Variants in FXYD1 observed in about 807,000 individuals in gnomAD.
FXYD1 encodes the protein phospholemman.
Under a neutral mutation model 17.2 loss-of-function variants are expected in FXYD1, and 9 were observed. The ratio of observed to expected loss-of-function variants is 0.52; its 90% CI spans 0.32 to 0.91. FXYD1 has a LOEUF of 0.91. FXYD1 is among the 40% of genes least tolerant of loss of function. FXYD1 has a pLI of 0.04. For synonymous variants in FXYD1, 55 were observed against 45.8 expected (o/e 1.20, Z -0.81); for missense variants, 113 against 120.6 (o/e 0.94, Z 0.29).
At chr19:35,141,415 C>A in intron 4 of FXYD1, 121 bp from the exon 5 acceptor site, 1 of 833,508 alleles carries the variant, frequency 1.2e-6, no homozygotes, top group Non-Finnish European at 2.0e-6. Context: ...CCCCCGGTCT[C>A]GCCTCTAGCC....
In FXYD1 at chr19:35,142,746, C is replaced by T. The variant is rs1135396; in HGVS notation, c.*4C>T. 3.1e-6 allele frequency: 5 copies of T among 1,613,416 alleles called. 1 individual carries two copies. The South Asian group carries it at 5.5e-5, about 18-fold the overall frequency. On this transcript the variant is annotated 3_prime_UTR_variant, in exon 7 of 8. Coordinates refer to ENST00000351325, the MANE Select transcript of FXYD1 (RefSeq NM_021902.4). Reference sequence around the variant, plus strand: ...TCTGTCCACCCGCAGGCGGTAGAAACACCTGGAGCGATGGAATCCGGCCAG... The same window carrying T: ...TCTGTCCACCCGCAGGCGGTAGAAATACCTGGAGCGATGGAATCCGGCCAG...
upstream of FXYD1, chr19:35,137,894 G>A (rs1392197523): frequency 2.0e-5 from 3 of 152,382 alleles, no homozygotes; most frequent in South Asian, 2.1e-4. Context: ...GCCTCCCAAA[G>A]TGCTGGGAGT....
At position 35,140,581 on chromosome 19, in the gene FXYD1, TTC is replaced by T. The variant is rs753756888; in HGVS notation, c.62-8_62-7del. 3.7e-4 allele frequency: 600 copies of T among 1,612,792 alleles called. No individual in the cohort carries two copies. Among genetic ancestry groups the T allele is most frequent in the Non-Finnish European group, 4.5e-4 (529 of 1,179,320 alleles). On this transcript the variant is annotated splice_polypyrimidine_tract_variant and intron_variant, in intron 2 of 7. Transcript: ENST00000351325. ...CCCCAGGAAGCATTCAACCCCTGAT[TTC>T]TCTCTCTTTCCAGAAAGTCCAAAGG...
chr19:35,141,370 G>T, intron 4 of FXYD1, 164 bp downstream of exon 4: 1 of 332,762 alleles, frequency 3.0e-6, no homozygotes, highest in African/African-American at 3.4e-5. Flanking sequence ...ACCCCTCCCA[G>T]GCCTTGCCCC....
At position 35,140,636 on chromosome 19, in the gene FXYD1, G is replaced by C. The variant is rs1219168734; in HGVS notation, c.94+7G>C. 1 of 1,611,912 alleles carries C rather than the reference G, an allele frequency of 6.2e-7. No homozygotes were observed. Among genetic ancestry groups the C allele is most frequent in the South Asian group, 1.1e-5 (1 of 90,972 alleles). On this transcript the variant is annotated splice_region_variant and intron_variant, in intron 3 of 7. Coordinates refer to ENST00000351325, the MANE Select transcript of FXYD1 (RefSeq NM_021902.4). ...CACGACCCGTTCACTTACGGTGAGC[G>C]GGGGGTCTAATTTTGAGTCCTGGGG... is the stretch of plus-strand genomic sequence containing the variant.
rs77100923 is a variant in FXYD1 at position 35,140,490 on chromosome 19, C to T, written c.62-107C>T. 59 of 1,005,014 alleles carry T rather than the reference C, an allele frequency of 5.9e-5. 1 individual carries two copies. The South Asian group carries it at 7.6e-4, about 13-fold the overall frequency. The allele number at this position is 1,005,014 out of a possible 1,614,324, so 62.3% of individuals were successfully genotyped here. On this transcript the variant is annotated intron_variant, in intron 2 of 7. Coordinates refer to ENST00000351325, the MANE Select transcript of FXYD1 (RefSeq NM_021902.4). ...AGAGTGTGGGCAGCCTGCCCAGACACCCTCAGACTCTAAGCCCAGCAAGGC... is the reference window on the plus strand; with the variant it reads ...AGAGTGTGGGCAGCCTGCCCAGACATCCTCAGACTCTAAGCCCAGCAAGGC...
intron 3 of FXYD1, chr19:35,140,844 C>T: frequency 1.7e-6 from 1 of 597,226 alleles, no homozygotes; most frequent in Non-Finnish European, 3.0e-6. Context: ...GGTTCTCTTT[C>T]TCTTGCCTGC....
chr19:35,139,778 G>C (rs2065233593), intron 1 of FXYD1: 1 of 362,358 alleles, frequency 2.8e-6, no homozygotes, highest in Admixed American at 3.9e-5. Flanking sequence ...GTAGGTCTGG[G>C]AATCGGGGGC....
chr19:35,141,079 T>G, intron 3 of FXYD1, 53 bp from the exon 4 acceptor site: 1 of 1,112,828 alleles, frequency 9.0e-7, no homozygotes, highest in Non-Finnish European at 1.4e-6. Context: ...ACCCCTCTCC[T>G]ATTCTCCCTC....
intron 4 of FXYD1, 160 bp from the exon 5 acceptor site, chr19:35,141,376 G>A: frequency 1.9e-6 from 1 of 525,248 alleles, no homozygotes; most frequent in South Asian, 1.7e-5. Flanking sequence ...CCCAGGCCTT[G>A]CCCCGCCTAC....
At chr19:35,140,481 GC>G (rs2065241393) in intron 2 of FXYD1, 115 bp from the exon 3 acceptor site, 1 of 933,930 alleles carries the variant, frequency 1.1e-6, no homozygotes, top group Non-Finnish European at 1.7e-6. Flanking sequence ...TGGGCAGCCT[GC>G]CCAGACACCC....
Position 35,142,830 on chromosome 19 carries a change from G to A in FXYD1, c.*29+59G>A, listed in dbSNP as rs962637716. ...GGAGGGAGGAAGGAAAGGCGGGAGA[G>A]GGAGGGGGCCAAGTGCCAGAGTTGA... On this transcript the variant is annotated intron_variant, in intron 7 of 7. Coordinates refer to ENST00000351325, the MANE Select transcript of FXYD1 (RefSeq NM_021902.4). The A allele has an allele frequency of 2.5e-5, 34 of 1,342,642 alleles. No homozygotes were observed. In the East Asian group the frequency reaches 6.8e-4, roughly 27 times the overall value. 83.2% of individuals were successfully genotyped at this position (1,342,642 alleles called of 1,614,324 possible).
At chr19:35,140,929 C>A (rs1353697754) in intron 3 of FXYD1, 5 of 340,876 alleles carry the variant, frequency 1.5e-5, no homozygotes, top group Admixed American at 4.3e-5. Context: ...TCCTCCCTGT[C>A]CCCTCCCTCC....
Position 35,142,529 on chromosome 19 carries a change from T to C in FXYD1, c.256+8T>C, listed in dbSNP as rs758125236. The stretch of plus-strand genomic sequence containing the variant: ...TCCGCAGCTCCATCCGCCGTGAGTC[T>C]GGGGAGACTGCGGGTATTCTGGGGA... On this transcript the variant is annotated splice_region_variant and intron_variant, in intron 6 of 7. Coordinates refer to ENST00000351325, the MANE Select transcript of FXYD1 (RefSeq NM_021902.4). The C allele has an allele frequency of 1.2e-6, 2 of 1,612,510 alleles. No homozygotes were observed. Among genetic ancestry groups the C allele is most frequent in the Non-Finnish European group, 8.5e-7 (1 of 1,178,712 alleles).
At chr19:35,142,409 G>A in intron 5 of FXYD1, 63 bp from the exon 6 acceptor site, 1 of 1,280,498 alleles carries the variant, frequency 7.8e-7, no homozygotes, top group Non-Finnish European at 1.1e-6. Flanking sequence ...GTACTGGGGG[G>A]TTCCTAGAAG....
chr19:35,142,818 A>G, intron 7 of FXYD1, 47 bp downstream of exon 7: 1 of 1,481,360 alleles, frequency 6.8e-7, no homozygotes, highest in Non-Finnish European at 9.4e-7. Context: ...GGGAGGAAGG[A>G]AAGGCGGGAG....
rs1252256614 is a variant in FXYD1 at position 35,143,014 on chromosome 19, C to A, written c.*127C>A. ...GCCCTGCCCCCGCAGACTCCCCCTG[C>A]CGCCAAGACTTCCAATAAAACGTGC... On this transcript the variant is annotated 3_prime_UTR_variant, in exon 8 of 8. Transcript: ENST00000351325. This position sits in a 1 kb window ranked among gnomAD's most constrained non-coding sequence, Gnocchi z 4.3. 3.5e-6 allele frequency: 2 copies of A among 569,594 alleles called. No homozygotes were observed. The highest frequency in any genetic ancestry group is 6.2e-6 in the Non-Finnish European group (2 of 321,930). The allele number at this position is 569,594 out of a possible 1,614,324, so 35.3% of individuals were successfully genotyped here.
chr19:35,140,300 G>A (rs2065239897), intron 2 of FXYD1, among the ~76,000 whole-genome samples, 160 bp downstream of exon 2: 1 of 152,160 alleles, frequency 6.6e-6, no homozygotes, highest in South Asian at 2.1e-4. Flanking sequence ...GGTATTTGGG[G>A]GAGGGGAGAG....
chr19:35,141,001 C>T, intron 3 of FXYD1, 131 bp from the exon 4 acceptor site: 1 of 654,344 alleles, frequency 1.5e-6, no homozygotes, highest in Non-Finnish European at 2.8e-6. Context: ...TATCTGCTCC[C>T]CCTTAATTAT....
Sources: gnomAD v4.1 joint callset for allele counts (sites outside exome capture counted in the v4.1 genomes callset) on GRCh38, gnomAD v4.1.1 for gene constraint, Gnocchi (gnomAD v3.1) non-coding constraint, MANE v1.5 for transcripts, NCBI Gene and HGNC (gene_info 2026-07-23, HGNC 2026-07-21) for gene names.